Variants in C2orf76 observed in about 807,000 individuals in gnomAD.
The protein encoded by C2orf76 is UPF0538 protein C2orf76.
A neutral mutation model predicts 16.9 loss-of-function variants in C2orf76; 23 were observed. The observed-to-expected ratio is 1.36, with a 90% CI of 0.98 to 1.93. The LOEUF (loss-of-function observed/expected upper bound fraction) is 1.93. Among genes scored for constraint, C2orf76 ranks in the 30% most tolerant of loss-of-function variants. The probability of loss-of-function intolerance (pLI) is 0.00; values close to 1 mark genes in which losing one functional copy is unlikely to be tolerated. For synonymous variants in C2orf76, 48 were observed against 52.3 expected (o/e 0.92, Z 0.35); for missense variants, 152 against 152.6 (o/e 1.00, Z 0.02).
chr2:119,324,184 T>C (rs1376481643), intron 2 of C2orf76, among the ~76,000 whole-genome samples: 1 of 152,156 alleles, frequency 6.6e-6, no homozygotes, highest in African/African-American at 2.4e-5. Flanking sequence ...GCTATTATCA[T>C]TTAGAGATGT....
At chr2:119,312,086 C>T (rs921121858) in intron 4 of C2orf76, among the ~76,000 whole-genome samples, 6 of 152,168 alleles carry the variant, frequency 3.9e-5, no homozygotes, top group Admixed American at 1.3e-4. Flanking sequence ...GGCATATAAA[C>T]CCTCAGCAGT....
chr2:119,320,544 C>A (rs1298847292), intron 3 of C2orf76, among the ~76,000 whole-genome samples: 1 of 151,414 alleles, frequency 6.6e-6, no homozygotes, highest in Non-Finnish European at 1.5e-5. Flanking sequence ...GATTTTAGGT[C>A]ATAAGTTGTT....
intron 1 of C2orf76, among the ~76,000 whole-genome samples, chr2:119,360,931 A>C (rs1680725371): frequency 6.6e-6 from 1 of 152,252 alleles, no homozygotes; most frequent in Non-Finnish European, 1.5e-5. Flanking sequence ...TGAAATGATA[A>C]AATTATAGAA....
At chr2:119,319,805 C>T (rs1679288171) in intron 3 of C2orf76, among the ~76,000 whole-genome samples, 1 of 152,072 alleles carries the variant, frequency 6.6e-6, no homozygotes, top group South Asian at 2.1e-4. Flanking sequence ...TCTTTCCACT[C>T]CCGAATACCT....
intron 4 of C2orf76, 69 bp downstream of exon 4, chr2:119,317,397 C>T: frequency 8.6e-7 from 1 of 1,158,472 alleles, no homozygotes; most frequent in South Asian, 1.6e-5. Context: ...TGTATTCATT[C>T]ACTTATTCAC....
At chr2:119,347,748 C>G (rs1680250523) in intron 1 of C2orf76, among the ~76,000 whole-genome samples, 2 of 151,984 alleles carry the variant, frequency 1.3e-5, no homozygotes, top group Non-Finnish European at 2.9e-5. Flanking sequence ...ATGACCTCAG[C>G]TAATTAACCT....
chr2:119,301,964 A>G (rs550807939), downstream of C2orf76, among the ~76,000 whole-genome samples: 2 of 152,054 alleles, frequency 1.3e-5, no homozygotes, highest in South Asian at 4.1e-4. Flanking sequence ...AACCTCCCTA[A>G]AATATACACA....
At chr2:119,338,152 C>G (rs1679910295) in intron 2 of C2orf76, among the ~76,000 whole-genome samples, 1 of 152,178 alleles carries the variant, frequency 6.6e-6, no homozygotes, top group South Asian at 2.1e-4. Context: ...CCAGGAAGTG[C>G]CCCCCAAAAT....
intron 1 of C2orf76, among the ~76,000 whole-genome samples, chr2:119,363,592 T>C (rs1680823905): frequency 6.6e-6 from 1 of 152,202 alleles, no homozygotes; most frequent in Non-Finnish European, 1.5e-5. Context: ...CTAGAGCAAC[T>C]AGGAAGCTCT....
At chr2:119,289,399 G>A in the C2orf76 span, among the ~76,000 whole-genome samples, 539 of 151,972 alleles carry the variant, frequency 3.5e-3, 4 homozygotes, top group African/African-American at 0.012. Context: ...GCATTAAAGC[G>A]CAGGGTGGCC....
At chr2:119,313,961 G>A (rs965442236) in intron 4 of C2orf76, among the ~76,000 whole-genome samples, 1 of 137,872 alleles carries the variant, frequency 7.3e-6, no homozygotes, top group African/African-American at 2.7e-5. Flanking sequence ...GGCCTTTTCT[G>A]TAAGTTAGAA....
chr2:119,314,649 C>A (rs183282944), intron 4 of C2orf76, among the ~76,000 whole-genome samples: 1 of 152,222 alleles, frequency 6.6e-6, no homozygotes, highest in East Asian at 1.9e-4. Context: ...GAGCTAATTA[C>A]TCTCATTTCT....
At chr2:119,337,783 G>A (rs1679897471) in intron 2 of C2orf76, among the ~76,000 whole-genome samples, 1 of 152,198 alleles carries the variant, frequency 6.6e-6, no homozygotes, top group African/African-American at 2.4e-5. Context: ...GCAGATGAAA[G>A]GTGTGAGTAG....
At chr2:119,298,088 C>G (rs1029915567), downstream of C2orf76, among the ~76,000 whole-genome samples, 2 of 152,192 alleles carry the variant, frequency 1.3e-5, no homozygotes, top group African/African-American at 4.8e-5. Flanking sequence ...AAACTATAGG[C>G]ATGCATCACC....
chr2:119,345,420 GC>G (rs1680166535), intron 1 of C2orf76, among the ~76,000 whole-genome samples: 1 of 152,158 alleles, frequency 6.6e-6, no homozygotes, highest in Non-Finnish European at 1.5e-5. Flanking sequence ...AAATGAAACA[GC>G]CTATCTGGAG....
At chr2:119,282,613 C>T in the C2orf76 span, among the ~76,000 whole-genome samples, 3,386 of 152,308 alleles carry the variant, frequency 0.022, 113 homozygotes, top group African/African-American at 0.076. Flanking sequence ...ACCTGTAAAG[C>T]GTCCGTCTCT....
At chr2:119,354,873 G>A (rs1285680567) in intron 1 of C2orf76, among the ~76,000 whole-genome samples, 1 of 152,222 alleles carries the variant, frequency 6.6e-6, no homozygotes, top group Non-Finnish European at 1.5e-5. Flanking sequence ...TCTCCATGCT[G>A]TAACTGCTTT....
rs542290004 is a variant in C2orf76 at position 119,317,583 on chromosome 2, G to A, written c.185-80C>T. The A allele has an allele frequency of 1.9e-5, 22 of 1,152,132 alleles. No individual in the cohort carries two copies. In the Admixed American group the frequency reaches 3.5e-4, roughly 18 times the overall value. 71.4% of individuals were successfully genotyped at this position (1,152,132 alleles called of 1,614,324 possible). A position where few individuals can be genotyped will look rare whatever the true frequency, so the allele number is the denominator to read the frequency against. On this transcript the variant is annotated intron_variant, in intron 3 of 5. Transcript: ENST00000334816. ...AAATTATTAAAATGGGTGGAGGGTG[G>A]CTACGAAATTGAGAAATGTAAGTCC...
intron 1 of C2orf76, among the ~76,000 whole-genome samples, chr2:119,363,869 T>C (rs1261291271): frequency 2.0e-5 from 3 of 151,892 alleles, no homozygotes; most frequent in African/African-American, 7.3e-5. Context: ...CTACAAAAAA[T>C]TAGCCAGGCA....
Sources: gnomAD v4.1 joint callset for allele counts (sites outside exome capture counted in the v4.1 genomes callset) on GRCh38, gnomAD v4.1.1 for gene constraint, MANE v1.5 for transcripts, NCBI Gene and HGNC (gene_info 2026-07-23, HGNC 2026-07-21) for gene names.